TNRC6B: variants seen among roughly 807,000 people sequenced by gnomAD.
TNRC6B encodes trinucleotide repeat containing adaptor 6B, also known as trinucleotide repeat-containing gene 6B protein.
TNRC6B carries 52 observed loss-of-function variants against 203.6 expected under a neutral mutation model. The ratio of observed to expected loss-of-function variants is 0.26; its 90% CI spans 0.20 to 0.32. The LOEUF is 0.32. TNRC6B is among the 10% of genes least tolerant of loss of function. The pLI, the probability that TNRC6B is intolerant of heterozygous loss-of-function variation, is 1.00. For missense variants in TNRC6B, 1,923 were observed against 2,286.2 expected (o/e 0.84, Z 3.24); for synonymous variants, 838 against 845.7 (o/e 0.99, Z 0.16).
chr22:40,111,993 TG>T (rs2146313596), intron 1 of TNRC6B, among the ~76,000 whole-genome samples: 1 of 152,172 alleles, frequency 6.6e-6, no homozygotes, highest in East Asian at 1.9e-4. Context: ...TCCAGCTACT[TG>T]GGAGGCTGAG....
At chr22:40,260,997 G>C (rs1429890242) in intron 3 of TNRC6B, among the ~76,000 whole-genome samples, 1 of 152,138 alleles carries the variant, frequency 6.6e-6, no homozygotes, top group East Asian at 1.9e-4. Flanking sequence ...TCTTAGCCAG[G>C]GTCTGGGTGT....
In TNRC6B at chr22:40,237,687, T is replaced by A. The variant is rs149274768; in HGVS notation, c.6-8328T>A. Among the ~76,000 whole-genome samples the A allele has an allele frequency of 4.2e-3, 645 of 152,186 alleles. 3 individuals carry two copies. Among genetic ancestry groups the A allele is most frequent in the African/African-American group, 0.014 (589 of 41,516 alleles). On this transcript the variant is annotated intron_variant, in intron 1 of 22. Coordinates refer to ENST00000454349, the MANE Select transcript of TNRC6B (RefSeq NM_001162501.2). The stretch of plus-strand genomic sequence containing the variant: ...CTTTCCCATCTTAGGCCCTGGGACT[T>A]ACTCTTCTCTTGGCCTGGTCACTCA...
In TNRC6B at chr22:40,325,058, G is replaced by A. The variant is rs139916; in HGVS notation, c.*1817G>A. The A allele has an allele frequency of 0.36, 54,858 of 152,374 alleles. 13,747 individuals carry two copies. The highest frequency in any genetic ancestry group is 0.71 in the African/African-American group (29,556 of 41,402). The allele number at this position is 152,374 out of a possible 1,614,324, so 9.4% of individuals were successfully genotyped here. On this transcript the variant is annotated 3_prime_UTR_variant, in exon 23 of 23. Transcript: ENST00000454349. ...GGGTGGGGGGATGGATGCCGGTGACGTGCTAGCACTTGTGTGGACATCCCA... is the reference window on the plus strand; with the variant it reads ...GGGTGGGGGGATGGATGCCGGTGACATGCTAGCACTTGTGTGGACATCCCA...
intron 6 of TNRC6B, among the ~76,000 whole-genome samples, chr22:40,272,530 A>G (rs1161386482): frequency 6.6e-6 from 1 of 152,242 alleles, no homozygotes; most frequent in Non-Finnish European, 1.5e-5. Context: ...AGAGGTGCAG[A>G]TGGAAGTTTC....
At chr22:40,125,989 A>C (rs2068489635) in intron 3 of TNRC6B, 2 of 905,240 alleles carry the variant, frequency 2.2e-6, no homozygotes, top group Non-Finnish European at 1.6e-6. Flanking sequence ...AACCTAACAT[A>C]AGATTGAGAA....
chr22:40,279,386 A>T (rs1414069296), intron 9 of TNRC6B, among the ~76,000 whole-genome samples: 1 of 152,244 alleles, frequency 6.6e-6, no homozygotes, highest in Non-Finnish European at 1.5e-5. Flanking sequence ...CACTGGTTAT[A>T]TCAGCAGACG....
chr22:40,176,740 T>C (rs990996968), upstream of TNRC6B, among the ~76,000 whole-genome samples: 7 of 152,238 alleles, frequency 4.6e-5, no homozygotes, highest in African/African-American at 1.7e-4. Flanking sequence ...ATTGCAATTA[T>C]GACCATTGCT....
intron 21 of TNRC6B, 118 bp from the exon 22 acceptor site, chr22:40,320,972 T>A: frequency 8.6e-7 from 1 of 1,162,626 alleles, no homozygotes; most frequent in Non-Finnish European, 1.2e-6. Flanking sequence ...GAGCTGCATT[T>A]ATGGAAACTA....
Position 40,151,865 on chromosome 22 carries a change from GAAGA to G in TNRC6B, c.46-4236_46-4233del, listed in dbSNP as rs565848471. Among the ~76,000 whole-genome samples, 111 of 78,066 alleles carry G rather than the reference GAAGA, an allele frequency of 1.4e-3. 1 individual carries two copies. The highest frequency in any genetic ancestry group is 2.4e-3 in the South Asian group (5 of 2,064). 51.2% of individuals were successfully genotyped at this position (78,066 alleles called of 152,430 possible). ...AATGAAGAAAGAGAAAGAAAAGAAA[GAAGA>G]AAGAAAGAAAGAAGAAAGAAAGCAA... On this transcript the variant is annotated intron_variant, in intron 3 of 23. Coordinates refer to the TNRC6B transcript ENST00000301923.
intron 1 of TNRC6B, among the ~76,000 whole-genome samples, chr22:40,089,402 T>G (rs906870574): frequency 2.0e-5 from 3 of 152,004 alleles, no homozygotes; most frequent in Admixed American, 6.6e-5. Flanking sequence ...CCAGCTAATT[T>G]TTTTATTTTT....
At chr22:40,233,360 A>C (rs1053815414) in intron 1 of TNRC6B, among the ~76,000 whole-genome samples, 7 of 151,512 alleles carry the variant, frequency 4.6e-5, no homozygotes, top group African/African-American at 1.7e-4. Context: ...GCGGTGGCTC[A>C]TGTCTGTAAT....
intron 1 of TNRC6B, among the ~76,000 whole-genome samples, chr22:40,200,439 C>T (rs2069397482): frequency 1.3e-5 from 2 of 150,614 alleles, no homozygotes; most frequent in Admixed American, 6.6e-5. Context: ...GGCGTGCACC[C>T]CCACGCCCAG....
Position 40,308,635 on chromosome 22 carries a change from A to C in TNRC6B, c.4244A>C (p.Asn1415Thr). 3 of 1,612,938 alleles carry C rather than the reference A, an allele frequency of 1.9e-6. No homozygotes were observed. Among genetic ancestry groups the C allele is most frequent in the Non-Finnish European group, 2.5e-6 (3 of 1,179,442 alleles). The change falls in exon 16 of 23, where the codon AAT (asparagine) becomes ACT (threonine). Residue 1415 changes from asparagine (N) to threonine (T), a missense_variant. Asn to Thr is a moderately conservative substitution (Grantham distance 65, BLOSUM62 0). This residue lies in a region of TNRC6B where 242 missense variants were observed against 399.5 expected (regional missense o/e 0.61). Transcript: ENST00000454349. ...GLPSVATQEA[N>T]MHKNGAIVAP... ...CCCTCTGTAGCCACACAGGAAGCCA[A>C]TATGCACAAAAATGGTAAGAGAAGC...
chr22:40,212,021 T>C (rs764279244), intron 1 of TNRC6B, among the ~76,000 whole-genome samples: 2 of 152,252 alleles, frequency 1.3e-5, no homozygotes, highest in Non-Finnish European at 1.5e-5. Flanking sequence ...ATTACTTTGC[T>C]TAGTAGGTGC....
At chr22:40,170,798 T>C (rs62638154) in intron 4 of TNRC6B, among the ~76,000 whole-genome samples, 6 of 38,084 alleles carry the variant, frequency 1.6e-4, no homozygotes, top group African/African-American at 5.4e-4. Flanking sequence ...TGTGTGTATA[T>C]ATACATATAT....
At chr22:40,269,158 G>A (rs1314408202) in intron 5 of TNRC6B, among the ~76,000 whole-genome samples, 1 of 124,638 alleles carries the variant, frequency 8.0e-6, no homozygotes, top group Non-Finnish European at 1.6e-5. Flanking sequence ...TTTTTTGAGA[G>A]GGAGTCTCAC....
At chr22:40,122,932 A>G (rs1043886355) in intron 2 of TNRC6B, among the ~76,000 whole-genome samples, 3 of 152,210 alleles carry the variant, frequency 2.0e-5, no homozygotes, top group African/African-American at 7.2e-5. Flanking sequence ...ATCCGTAAGC[A>G]TTCGGGTCTG....
chr22:40,178,085 A>G lies in TNRC6B; in HGVS notation c.-51A>G, dbSNP rs2069085500. On this transcript the variant is annotated 5_prime_UTR_variant, in exon 1 of 23. Transcript: ENST00000454349. Reference sequence around the variant, plus strand: ...ATTTTTTGGACCTTTTTTCATTTCCATTTCTACCTTGTATGCCTCAATTTG... The same window carrying G: ...ATTTTTTGGACCTTTTTTCATTTCCGTTTCTACCTTGTATGCCTCAATTTG... The G allele has an allele frequency of 3.1e-6, 5 of 1,598,280 alleles. No individual in the cohort carries two copies. The South Asian group carries it at 3.4e-5, about 11-fold the overall frequency.
At chr22:40,169,075 C>A (rs1279333806) in intron 4 of TNRC6B, among the ~76,000 whole-genome samples, 3 of 149,710 alleles carry the variant, frequency 2.0e-5, no homozygotes, top group African/African-American at 7.4e-5. Flanking sequence ...TGCTGTGCAA[C>A]AAATAATGGT....
Sources: gnomAD v4.1 joint callset for allele counts (sites outside exome capture counted in the v4.1 genomes callset) on GRCh38, gnomAD v4.1.1 for gene constraint, gnomAD v4.1.1 regional missense constraint, MANE v1.5 for transcripts, NCBI Gene and HGNC (gene_info 2026-07-23, HGNC 2026-07-21) for gene names.